The following FCRLA variants were observed in gnomAD, a reference collection of about 807,000 sequenced individuals.
FCRLA encodes Fc receptor like A, also known as Fc receptor-like A.
FCRLA carries 26 observed loss-of-function variants against 28.4 expected under a neutral mutation model. The observed-to-expected ratio is 0.91, with a 90% confidence interval of 0.67 to 1.27. The LOEUF (loss-of-function observed/expected upper bound fraction) is 1.27. FCRLA is among the 50% of genes most tolerant of loss of function. The pLI is 0.00. For missense variants in FCRLA, 422 were observed against 433.1 expected, an observed-to-expected ratio of 0.97 and a Z score of 0.23; for synonymous variants, 174 against 168.5, an observed-to-expected ratio of 1.03 and a Z score of -0.25.
chr1:161,709,988 T>C (rs1440242925), intron 1 of FCRLA, among the ~76,000 whole-genome samples: 1 of 151,988 alleles, frequency 6.6e-6, no homozygotes, highest in Non-Finnish European at 1.5e-5. Flanking sequence ...AAAGTAAAGA[T>C]GGCTGAAAAG....
Position 161,713,296 on chromosome 1 carries a change from A to G in FCRLA, c.996A>G (p.Arg332=). The part of the protein sequence containing the change: ...GLLLKHMQDV[R]VLLGHLLMEL... ...TTCTCAAACACATGCAGGATGTGAG[A>G]GTCCTCCTCGGTCACCTGCTCATGG... The change falls in exon 5 of 5, where the codon AGA becomes AGG. Residue 332 remains arginine, a synonymous_variant. Transcript: ENST00000236938. The G allele has an allele frequency of 6.2e-7, 1 of 1,614,224 alleles. No individual in the cohort carries two copies. Among genetic ancestry groups the G allele is most frequent in the Non-Finnish European group, 8.5e-7 (1 of 1,180,038 alleles).
Position 161,710,806 on chromosome 1 carries a change from G to A in FCRLA, c.126G>A (p.Glu42=). The change falls in exon 2 of 5, where the codon GAG becomes GAA. Residue 42 remains glutamate, a synonymous_variant. Transcript: ENST00000236938. The part of the protein sequence containing the change: ...TLQCEGPVCT[E]ESSCHTEDDL... Reference sequence around the variant, plus strand: ...AGTGTGAGGGACCTGTCTGCACTGAGGAGAGCAGCTGCCACACGGAGGATG... The same window carrying A: ...AGTGTGAGGGACCTGTCTGCACTGAAGAGAGCAGCTGCCACACGGAGGATG... 1 of 1,614,122 alleles carries A rather than the reference G, an allele frequency of 6.2e-7. No homozygotes were observed. The highest frequency in any genetic ancestry group is 8.5e-7 in the Non-Finnish European group (1 of 1,180,022).
In FCRLA at chr1:161,712,065, A is replaced by G. The variant is rs773458701; in HGVS notation, c.631A>G (p.Lys211Glu). The G allele has an allele frequency of 6.2e-7, 1 of 1,614,098 alleles. No homozygotes were observed. The highest frequency in any genetic ancestry group is 1.1e-5 in the South Asian group (1 of 91,066). ...TGCCCGCCTCCTCTTCTCCTTCTAC[A>G]AGGATGGAAGGATAGTGCAAAGCAG... ...SAARLLFSFY[K>E]DGRIVQSRGL... The change falls in exon 4 of 5, where the codon AAG (lysine) becomes GAG (glutamate). Residue 211 changes from lysine to glutamate, a missense_variant. By Grantham distance (56) the Lys-to-Glu change is moderately conservative (BLOSUM62 1). Transcript: ENST00000236938.
chr1:161,710,563 C>A, intron 1 of FCRLA, 197 bp from the exon 2 acceptor site: 2 of 1,504,040 alleles, frequency 1.3e-6, no homozygotes, highest in Non-Finnish European at 1.8e-6. Context: ...CTGAGAGCAC[C>A]TGGACGCCAG....
Position 161,713,537 on chromosome 1 carries a change from A to G in FCRLA, c.*157A>G. The G allele has an allele frequency of 1.3e-5, 8 of 623,252 alleles. No individual in the cohort carries two copies. The highest frequency in any genetic ancestry group is 1.9e-5 in the Non-Finnish European group (7 of 362,542). The allele number at this position is 623,252 out of a possible 1,614,324, so 38.6% of individuals were successfully genotyped here. ...TAGGTGAGTGTAAATAAATTTATAT[A>G]AAGTGAGAATTAGAGTTTAGCTATA... On this transcript the variant is annotated 3_prime_UTR_variant, in exon 5 of 5. Coordinates refer to ENST00000236938, the MANE Select transcript of FCRLA (RefSeq NM_032738.4).
At chr1:161,710,366 A>G in intron 1 of FCRLA, 1 of 993,594 alleles carries the variant, frequency 1.0e-6, no homozygotes, top group Non-Finnish European at 1.6e-6. Context: ...AAGTGCTAGC[A>G]GGGTCTGGCA....
Position 161,711,468 on chromosome 1 carries a change from G to A in FCRLA, c.493G>A (p.Val165Ile), listed in dbSNP as rs1295080146. The A allele has an allele frequency of 6.2e-7, 1 of 1,611,736 alleles. No individual in the cohort carries two copies. Among genetic ancestry groups the A allele is most frequent in the Non-Finnish European group, 8.5e-7 (1 of 1,178,286 alleles). The change falls in exon 3 of 5, where the codon GTC (valine) becomes ATC (isoleucine). Residue 165 changes from valine (V) to isoleucine (I), a missense_variant. This residue lies in a region of FCRLA where 231 missense variants were observed against 214.6 expected (regional missense o/e 1.08). Transcript: ENST00000236938. ...AACAGCATCTGTTGTGGCTATCACA[G>A]TCCAAGGTGAGAGCTAGAAGCAGCA... ...PETASVVAIT[V>I]QELFPAPILR...
rs1445260585 is a variant in FCRLA, at chr1:161,713,309, C to T, written c.1009C>T (p.His337Tyr). The stretch of plus-strand genomic sequence containing the variant: ...GCAGGATGTGAGAGTCCTCCTCGGT[C>T]ACCTGCTCATGGAGTTGAGGGAATT... Reference protein sequence around the residue: ...HMQDVRVLLGHLLMELRELSG... With the variant: ...HMQDVRVLLGYLLMELRELSG... Residue 337 changes from histidine (H) to tyrosine (Y), a missense_variant, in exon 5 of 5, where the codon CAC becomes TAC. Physicochemically the swap from His to Tyr is moderately conservative, Grantham distance 83. Around this residue, in one of 3 missense-constraint regions of FCRLA, gnomAD observed 185 missense variants for 198.1 expected, o/e 0.93. Transcript: ENST00000236938. 6.2e-7 allele frequency: 1 copy of T among 1,614,252 alleles called. No individual in the cohort carries two copies. Among genetic ancestry groups the T allele is most frequent in the Non-Finnish European group, 8.5e-7 (1 of 1,180,042 alleles).
At chr1:161,709,716 G>A (rs565840887) in intron 1 of FCRLA, among the ~76,000 whole-genome samples, 158 of 152,274 alleles carry the variant, frequency 1.0e-3, no homozygotes, top group African/African-American at 3.7e-3. Context: ...CATGTGAATG[G>A]CCATGAGGCT....
rs1253944881 is a variant in FCRLA at position 161,712,066 on chromosome 1, A to G, written c.632A>G (p.Lys211Arg). 3 of 1,614,154 alleles carry G rather than the reference A, an allele frequency of 1.9e-6. No homozygotes were observed. The highest frequency in any genetic ancestry group is 3.3e-5 in the Admixed American group (2 of 60,018). Reference sequence around the variant, plus strand: ...GCCCGCCTCCTCTTCTCCTTCTACAAGGATGGAAGGATAGTGCAAAGCAGG... The same window carrying G: ...GCCCGCCTCCTCTTCTCCTTCTACAGGGATGGAAGGATAGTGCAAAGCAGG... ...SAARLLFSFY[K>R]DGRIVQSRGL... Residue 211 changes from lysine (K) to arginine (R), a missense_variant, in exon 4 of 5, where the codon AAG becomes AGG. Lys to Arg is a conservative substitution (Grantham distance 26). Coordinates refer to ENST00000236938, the MANE Select transcript of FCRLA (RefSeq NM_032738.4).
At chr1:161,710,135 G>A (rs1233661935) in intron 1 of FCRLA, among the ~76,000 whole-genome samples, 1 of 152,200 alleles carries the variant, frequency 6.6e-6, no homozygotes, top group Non-Finnish European at 1.5e-5. Flanking sequence ...AGTCCCCGAG[G>A]AAGGTCTGAG....
At position 161,712,095 on chromosome 1, in the gene FCRLA, C is replaced by T. The variant is rs1324622922; in HGVS notation, c.661C>T (p.Leu221Phe). 6.2e-7 allele frequency: 1 copy of T among 1,614,212 alleles called. No individual in the cohort carries two copies. Among genetic ancestry groups the T allele is most frequent in the East Asian group, 2.2e-5 (1 of 44,888 alleles). ...KDGRIVQSRG[L>F]SSEFQIPTAS... ...TGGAAGGATAGTGCAAAGCAGGGGG[C>T]TCTCCTCAGAATTCCAGATCCCCAC... The change falls in exon 4 of 5, where the codon CTC (leucine) becomes TTC (phenylalanine). Residue 221 changes from leucine to phenylalanine, a missense_variant. By Grantham distance (22) the Leu-to-Phe change is conservative (BLOSUM62 0). This residue lies in a region of FCRLA where 185 missense variants were observed against 198.1 expected (regional missense o/e 0.93). Transcript: ENST00000236938.
At chr1:161,713,058 G>T in intron 4 of FCRLA, 27 bp from the exon 5 acceptor site, 2 of 1,595,474 alleles carry the variant, frequency 1.3e-6, no homozygotes, top group Non-Finnish European at 1.7e-6. Flanking sequence ...CTTCACTCTT[G>T]TATGTGCCTC....
Position 161,707,971 on chromosome 1 carries a change from C to T in FCRLA, c.79+628C>T, listed in dbSNP as rs1682905809. On this transcript the variant is annotated intron_variant, in intron 1 of 4. Coordinates refer to ENST00000236938, the MANE Select transcript of FCRLA (RefSeq NM_032738.4). Reference sequence around the variant, plus strand: ...CTGTACTCCTCTTTCTTTACACAATCTCCTTCATGAGCTTATTTGTCTGTT... The same window carrying T: ...CTGTACTCCTCTTTCTTTACACAATTTCCTTCATGAGCTTATTTGTCTGTT... Among the ~76,000 whole-genome samples the T allele has an allele frequency of 2.6e-5, 4 of 152,288 alleles. No individual in the cohort carries two copies. The South Asian group carries it at 8.3e-4, about 32-fold the overall frequency.
rs1683242914 is a variant in FCRLA at position 161,714,172 on chromosome 1, C to G, written c.*792C>G. On this transcript the variant is annotated 3_prime_UTR_variant, in exon 5 of 5. Transcript: ENST00000236938. ...AGCCCTCATGATTAGGATTAGTGCCCTTATTTAAAAAGGCCCCAGAGAGCT... is the reference window on the plus strand; with the variant it reads ...AGCCCTCATGATTAGGATTAGTGCCGTTATTTAAAAAGGCCCCAGAGAGCT... 6.6e-6 allele frequency: 1 copy of G among 152,114 alleles called. No individual in the cohort carries two copies. The highest frequency in any genetic ancestry group is 1.5e-5 in the Non-Finnish European group (1 of 68,020). The allele number at this position is 152,114 out of a possible 1,614,324, so 9.4% of individuals were successfully genotyped here. A position where few individuals can be genotyped will look rare whatever the true frequency, so the allele number is the denominator to read the frequency against.
intron 1 of FCRLA, among the ~76,000 whole-genome samples, chr1:161,709,224 C>A (rs1682975515): frequency 6.6e-6 from 1 of 152,100 alleles, no homozygotes; most frequent in African/African-American, 2.4e-5. Context: ...ACCTCTTGGG[C>A]TTAAGCAATC....
chr1:161,710,013 G>A (rs966792415), intron 1 of FCRLA, among the ~76,000 whole-genome samples: 3 of 152,144 alleles, frequency 2.0e-5, no homozygotes, highest in Admixed American at 6.5e-5. Flanking sequence ...GACCTGCAAG[G>A]GGGAGGAAGA....
intron 4 of FCRLA, 95 bp downstream of exon 4, chr1:161,712,313 T>C (rs1212892669): frequency 2.1e-6 from 3 of 1,452,612 alleles, no homozygotes; most frequent in Non-Finnish European, 2.8e-6. Flanking sequence ...GGGTTCAGTG[T>C]GAGCAGGTTA....
At position 161,712,152 on chromosome 1, in the gene FCRLA, T is replaced by C. The variant is rs1449692423; in HGVS notation, c.718T>C (p.Cys240Arg). The C allele has an allele frequency of 6.2e-7, 1 of 1,614,078 alleles. No individual in the cohort carries two copies. ...ASEDHSGSYW[C>R]EAATEDNQVW... Reference sequence around the variant, plus strand: ...AGAAGATCACTCCGGGTCATACTGGTGTGAGGCAGCCACTGAGGACAACCA... The same window carrying C: ...AGAAGATCACTCCGGGTCATACTGGCGTGAGGCAGCCACTGAGGACAACCA... Residue 240 changes from cysteine (C) to arginine (R), a missense_variant, in exon 4 of 5, where the codon TGT becomes CGT. Cys to Arg is a radical substitution (Grantham distance 180). Transcript: ENST00000236938.
Sources: allele counts gnomAD v4.1 joint callset (sites outside exome capture counted in the v4.1 genomes callset), GRCh38; gene constraint gnomAD v4.1.1; regional missense constraint gnomAD v4.1.1; transcripts MANE v1.5; gene names NCBI Gene and HGNC (gene_info 2026-07-23, HGNC 2026-07-21).